Variants in VPS45 observed in about 807,000 individuals in gnomAD.
The protein encoded by VPS45 is vacuolar protein sorting 45 homolog.
VPS45 carries 35 observed loss-of-function variants against 75.9 expected under a neutral mutation model. The ratio of observed to expected loss-of-function variants is 0.46; its 90% CI spans 0.35 to 0.61. The LOEUF is 0.61. Ranked by LOEUF, VPS45 falls within the 20% of genes least tolerant of loss-of-function variation. VPS45 has a pLI of 0.00. For synonymous variants in VPS45, 220 were observed against 238.2 expected (o/e 0.92, Z 0.70); for missense variants, 559 against 685.9 (o/e 0.81, Z 2.07).
intron 3 of VPS45, 85 bp downstream of exon 3, chr1:150,072,311 T>G: frequency 1.1e-6 from 1 of 922,650 alleles, no homozygotes; most frequent in Non-Finnish European, 1.7e-6. Flanking sequence ...ATCAATAACT[T>G]CATTGAATCT....
At chr1:150,143,503 G>A (rs782323457) in intron 14 of VPS45, among the ~76,000 whole-genome samples, 20 of 151,540 alleles carry the variant, frequency 1.3e-4, no homozygotes, top group African/African-American at 3.4e-4. Context: ...GAGGAGAATC[G>A]TTTGAACCTG....
intron 14 of VPS45, among the ~76,000 whole-genome samples, chr1:150,112,909 G>A (rs782758629): frequency 9.9e-5 from 15 of 152,134 alleles, no homozygotes; most frequent in Non-Finnish European, 1.8e-4. Context: ...AGATGCATAG[G>A]GCAAGGTATA....
intron 10 of VPS45, among the ~76,000 whole-genome samples, chr1:150,089,747 G>A (rs1451763236): frequency 2.0e-5 from 3 of 152,234 alleles, no homozygotes; most frequent in Admixed American, 6.5e-5. Context: ...TCATATTATA[G>A]TAGAAAATAG....
intron 13 of VPS45, chr1:150,099,179 A>T (rs1341528307): frequency 7.7e-6 from 4 of 519,428 alleles, no homozygotes; most frequent in Non-Finnish European, 1.0e-5. Context: ...CATGTAACTT[A>T]ACCACATATA....
At chr1:150,139,878 A>G (rs1197839285) in intron 14 of VPS45, among the ~76,000 whole-genome samples, 1 of 150,676 alleles carries the variant, frequency 6.6e-6, no homozygotes, top group Admixed American at 6.6e-5. Context: ...CACTAGTTTT[A>G]TTTTATTTTT....
At chr1:150,087,155 A>G (rs1553800891) in intron 10 of VPS45, among the ~76,000 whole-genome samples, 1 of 152,242 alleles carries the variant, frequency 6.6e-6, no homozygotes, top group African/African-American at 2.4e-5. Context: ...TAAATATCAG[A>G]AAAGAAGAAT....
At chr1:150,106,473 T>C (rs1451715931) in intron 13 of VPS45, among the ~76,000 whole-genome samples, 3 of 152,170 alleles carry the variant, frequency 2.0e-5, no homozygotes, top group Non-Finnish European at 4.4e-5. Flanking sequence ...GAAAAAATGC[T>C]CAACATTACT....
At chr1:150,109,800 G>A (rs1466703871) in intron 13 of VPS45, 1 of 152,174 alleles carries the variant, frequency 6.6e-6, no homozygotes, top group East Asian at 1.9e-4. Context: ...CCCAAGTGAA[G>A]CTAGTGACTG....
chr1:150,122,988 C>CAAA (rs111687152), intron 14 of VPS45, among the ~76,000 whole-genome samples: 4,622 of 126,128 alleles, frequency 0.037, 146 homozygotes, highest in Non-Finnish European at 0.048. Flanking sequence ...AACTCCTTCT[C>CAAA]AAAAAAAAAA....
intron 14 of VPS45, 133 bp from the exon 15 acceptor site, chr1:150,144,576 C>T: frequency 1.4e-6 from 1 of 739,442 alleles, no homozygotes; most frequent in Non-Finnish European, 2.2e-6. Flanking sequence ...CATTCTATAC[C>T]CAAATATCAG....
At chr1:150,110,793 A>G (rs1553807070) in intron 14 of VPS45, among the ~76,000 whole-genome samples, 166 bp downstream of exon 14, 1 of 152,188 alleles carries the variant, frequency 6.6e-6, no homozygotes. Flanking sequence ...GAGAGAAAGG[A>G]TCTATAGTAG....
intron 13 of VPS45, among the ~76,000 whole-genome samples, chr1:150,101,889 C>G (rs1175264836): frequency 6.6e-6 from 1 of 152,064 alleles, no homozygotes. Flanking sequence ...ACCATTTGAC[C>G]TAGCAATCCC....
Position 150,082,897 on chromosome 1 carries a change from G to A in VPS45, c.1104+14G>A, listed in dbSNP as rs1655794927. On this transcript the variant is annotated intron_variant, in intron 10 of 14. Transcript: ENST00000644510. ...AGTGCTCTCCAGGTCAGTCCAATTTGATGAGCACCTACTATGTGTAAGGCA... is the reference window on the plus strand; with the variant it reads ...AGTGCTCTCCAGGTCAGTCCAATTTAATGAGCACCTACTATGTGTAAGGCA... 6.2e-7 allele frequency: 1 copy of A among 1,610,572 alleles called. No individual in the cohort carries two copies. Among genetic ancestry groups the A allele is most frequent in the African/African-American group, 1.3e-5 (1 of 74,772 alleles).
At chr1:150,082,410 G>A (rs1183076439) in intron 9 of VPS45, among the ~76,000 whole-genome samples, 3 of 152,062 alleles carry the variant, frequency 2.0e-5, no homozygotes, top group African/African-American at 7.2e-5. Context: ...GGAGGCTGAG[G>A]CGGGGGAATC....
chr1:150,072,617 A>T (rs1237076523), intron 3 of VPS45, among the ~76,000 whole-genome samples: 1 of 148,564 alleles, frequency 6.7e-6, no homozygotes, highest in Admixed American at 6.9e-5. Flanking sequence ...AGATTGCGCC[A>T]TTGCACTCCA....
chr1:150,117,290 G>T (rs1553808571), intron 14 of VPS45, among the ~76,000 whole-genome samples: 2 of 147,918 alleles, frequency 1.4e-5, no homozygotes, highest in African/African-American at 5.0e-5. Flanking sequence ...GGGAGGCCAA[G>T]GTGGGCGGAT....
intron 13 of VPS45, among the ~76,000 whole-genome samples, chr1:150,105,920 G>T (rs1243550787): frequency 1.3e-5 from 2 of 152,036 alleles, no homozygotes; most frequent in Admixed American, 1.3e-4. Context: ...ATAGATCAAT[G>T]GAACAGAATA....
At chr1:150,099,423 G>T (rs1402661857) in intron 13 of VPS45, among the ~76,000 whole-genome samples, 1 of 151,648 alleles carries the variant, frequency 6.6e-6, no homozygotes, top group Non-Finnish European at 1.5e-5. Context: ...TGAGGTAGGA[G>T]AATTGGCTGA....
At chr1:150,087,410 G>T (rs987203317) in intron 10 of VPS45, among the ~76,000 whole-genome samples, 97 of 152,302 alleles carry the variant, frequency 6.4e-4, no homozygotes, top group African/African-American at 2.2e-3. Flanking sequence ...TCACAAGGCT[G>T]ATGGAAAATT....
Sources: gnomAD v4.1 joint callset for allele counts (sites outside exome capture counted in the v4.1 genomes callset) on GRCh38, gnomAD v4.1.1 for gene constraint, MANE v1.5 for transcripts, NCBI Gene and HGNC (gene_info 2026-07-23, HGNC 2026-07-21) for gene names.